The following PDSS2 variants were observed in gnomAD, a reference collection of about 807,000 sequenced individuals.
PDSS2 encodes the protein decaprenyl diphosphate synthase subunit 2, also known as all trans-polyprenyl-diphosphate synthase PDSS2.
In PDSS2, 31 loss-of-function variants were observed where a neutral mutation model predicts 44.5. The observed-to-expected ratio is 0.70, with a 90% CI of 0.52 to 0.94. The LOEUF is 0.94. Ranked by LOEUF, PDSS2 falls within the 40% of genes least tolerant of loss-of-function variation. PDSS2 has a pLI of 0.00. For synonymous variants in PDSS2, 157 were observed against 180.3 expected (o/e 0.87, Z 1.03); for missense variants, 452 against 482.2 (o/e 0.94, Z 0.59).
intron 1 of PDSS2, among the ~76,000 whole-genome samples, chr6:107,424,491 G>A (rs184212489): frequency 1.2e-3 from 184 of 152,072 alleles, no homozygotes; most frequent in Non-Finnish European, 1.2e-3. Flanking sequence ...TATAACACAA[G>A]TAAACCTTTC....
At chr6:107,284,130 C>T (rs1276207615) in intron 2 of PDSS2, among the ~76,000 whole-genome samples, 2 of 151,840 alleles carry the variant, frequency 1.3e-5, no homozygotes, top group African/African-American at 4.8e-5. Context: ...GACAATGGAG[C>T]CTTCTTTCTC....
intron 2 of PDSS2, among the ~76,000 whole-genome samples, chr6:107,287,279 T>G (rs1004589198): frequency 7.2e-5 from 11 of 152,154 alleles, no homozygotes; most frequent in African/African-American, 2.4e-4. Flanking sequence ...CTCTTCAGCT[T>G]GCCACAGTCT....
At chr6:107,394,980 G>A (rs1458770926) in intron 1 of PDSS2, among the ~76,000 whole-genome samples, 1 of 151,932 alleles carries the variant, frequency 6.6e-6, no homozygotes, top group Non-Finnish European at 1.5e-5. Flanking sequence ...TCTCATACTG[G>A]TGATCTGTTT....
At chr6:107,204,775 T>C (rs1393943663) in intron 6 of PDSS2, among the ~76,000 whole-genome samples, 1 of 152,238 alleles carries the variant, frequency 6.6e-6, no homozygotes, top group African/African-American at 2.4e-5. Flanking sequence ...TATGTTTCTA[T>C]ATTTATGTAT....
At chr6:107,388,874 G>T (rs1779695005) in intron 1 of PDSS2, among the ~76,000 whole-genome samples, 1 of 152,130 alleles carries the variant, frequency 6.6e-6, no homozygotes, top group Non-Finnish European at 1.5e-5. Flanking sequence ...GTAATATTAT[G>T]CAGTGACAAC....
At chr6:107,186,663 T>C (rs758700484) in intron 7 of PDSS2, among the ~76,000 whole-genome samples, 1 of 151,950 alleles carries the variant, frequency 6.6e-6, no homozygotes, top group Non-Finnish European at 1.5e-5. Context: ...CCTGTGTCCA[T>C]GTGTTCTCAT....
intron 1 of PDSS2, among the ~76,000 whole-genome samples, chr6:107,427,346 G>T (rs910810415): frequency 3.3e-5 from 5 of 152,130 alleles, no homozygotes; most frequent in African/African-American, 1.2e-4. Context: ...CAGTCATGTG[G>T]AACTGTAAGT....
chr6:107,212,285 A>C lies in PDSS2; in HGVS notation c.703-3T>G. 1 of 1,608,338 alleles carries C rather than the reference A, an allele frequency of 6.2e-7. No individual in the cohort carries two copies. On this transcript the variant is annotated splice_polypyrimidine_tract_variant and splice_region_variant and intron_variant, in intron 4 of 7. Transcript: ENST00000369037. ...ATATCATCTGTGATATAACTTTCCT[A>C]AAAATGTAACAAAAGCCAAGATAAA...
intron 1 of PDSS2, among the ~76,000 whole-genome samples, chr6:107,420,778 T>C (rs979234860): frequency 6.6e-6 from 1 of 150,996 alleles, no homozygotes; most frequent in African/African-American, 2.4e-5. Flanking sequence ...GACCTAGGGC[T>C]AGGAAAAGAG....
chr6:107,399,791 C>T (rs319123), intron 1 of PDSS2, among the ~76,000 whole-genome samples: 68,909 of 151,800 alleles, frequency 0.45, 16,552 homozygotes, highest in Middle Eastern at 0.65. Context: ...AAGTTAGCTG[C>T]TCTGAAAATT....
chr6:107,195,481 C>CAAA (rs762125818), intron 6 of PDSS2, among the ~76,000 whole-genome samples: 2,083 of 87,762 alleles, frequency 0.024, 72 homozygotes, highest in African/African-American at 0.075. Context: ...GATCCTGTCT[C>CAAA]AAAAAAAAAA....
intron 2 of PDSS2, among the ~76,000 whole-genome samples, chr6:107,278,995 G>A (rs1003175500): frequency 3.3e-5 from 5 of 152,150 alleles, no homozygotes; most frequent in Admixed American, 3.3e-4. Context: ...TGAGGCAGGT[G>A]GACCACTTGA....
chr6:107,241,247 A>T (rs1409607426), intron 4 of PDSS2, among the ~76,000 whole-genome samples: 2 of 44,246 alleles, frequency 4.5e-5, no homozygotes, highest in Non-Finnish European at 8.6e-5. Flanking sequence ...AGACTCGGTA[A>T]AAAAAAAAAA....
intron 7 of PDSS2, among the ~76,000 whole-genome samples, chr6:107,177,709 TA>T (rs1478635294): frequency 6.6e-6 from 1 of 152,174 alleles, no homozygotes; most frequent in Non-Finnish European, 1.5e-5. Context: ...ACTGGGACTG[TA>T]AAGCTTTTTA....
chr6:107,272,036 TAC>T (rs1775616695), intron 3 of PDSS2, among the ~76,000 whole-genome samples: 1 of 148,870 alleles, frequency 6.7e-6, no homozygotes, highest in East Asian at 2.0e-4. Flanking sequence ...CAGCCTAGGT[TAC>T]AGAGTAAGAC....
chr6:107,365,070 AAG>A (rs761062565), intron 1 of PDSS2, among the ~76,000 whole-genome samples: 3 of 152,350 alleles, frequency 2.0e-5, no homozygotes, highest in Non-Finnish European at 2.9e-5. Flanking sequence ...TGAAGAAACA[AAG>A]AGTGTAAAAA....
At chr6:107,341,431 T>C (rs370342654) in intron 1 of PDSS2, among the ~76,000 whole-genome samples, 1 of 152,098 alleles carries the variant, frequency 6.6e-6, no homozygotes. Context: ...TTCCAGATGG[T>C]GATGCCAAGC....
At chr6:107,372,386 C>A (rs1248214409) in intron 1 of PDSS2, among the ~76,000 whole-genome samples, 1 of 152,184 alleles carries the variant, frequency 6.6e-6, no homozygotes, top group Non-Finnish European at 1.5e-5. Flanking sequence ...TTCAGAGGAA[C>A]TGCATTTAGT....
In PDSS2 at chr6:107,383,785, C is replaced by T. The variant is rs531004224; in HGVS notation, c.297-49453G>A. ...CTAAAATGAAAAAGACCAACAATAG[C>T]AATTGTTGATGAAGATGTGGAGAAA... On this transcript the variant is annotated intron_variant, in intron 1 of 7. Coordinates refer to ENST00000369037, the MANE Select transcript of PDSS2 (RefSeq NM_020381.4). Among the ~76,000 whole-genome samples, 377 of 152,248 alleles carry T rather than the reference C, an allele frequency of 2.5e-3. 1 individual carries two copies. Among genetic ancestry groups the T allele is most frequent in the African/African-American group, 8.6e-3 (358 of 41,536 alleles).
Sources: allele counts gnomAD v4.1 joint callset (sites outside exome capture counted in the v4.1 genomes callset), GRCh38; gene constraint gnomAD v4.1.1; transcripts MANE v1.5; gene names NCBI Gene and HGNC (gene_info 2026-07-23, HGNC 2026-07-21).